TRABD2A: variants seen among roughly 807,000 people sequenced by gnomAD.
The protein encoded by TRABD2A is metalloprotease TIKI1.
TRABD2A carries 43 observed loss-of-function variants against 45.6 expected under a neutral mutation model. The ratio of observed to expected loss-of-function variants is 0.94; its 90% confidence interval spans 0.74 to 1.22. The LOEUF (loss-of-function observed/expected upper bound fraction) is 1.22, where lower values mean the gene tolerates loss of function less well. Among genes scored for constraint, TRABD2A ranks in the 50% most tolerant of loss-of-function variants. The pLI, the probability that TRABD2A is intolerant of heterozygous loss-of-function variation, is 0.00. For synonymous variants in TRABD2A, 269 were observed against 265.0 expected, an observed-to-expected ratio of 1.02 and a Z score of -0.15; for missense variants, 642 against 652.4, an observed-to-expected ratio of 0.98 and a Z score of 0.17.
intron 1 of TRABD2A, among the ~76,000 whole-genome samples, chr2:84,880,233 G>T (rs1326544462): frequency 1.3e-5 from 2 of 152,188 alleles, no homozygotes; most frequent in African/African-American, 2.4e-5. Context: ...AGACCTGTCC[G>T]CTATAGAGCT....
At chr2:84,836,271 A>G (rs1007615072) in intron 4 of TRABD2A, 33 of 152,276 alleles carry the variant, frequency 2.2e-4, no homozygotes, top group African/African-American at 8.0e-4. Context: ...TACAAATTCT[A>G]TTCAGCTCAC....
At chr2:84,822,913 A>G (rs957981738) in intron 6 of TRABD2A, among the ~76,000 whole-genome samples, 7 of 152,192 alleles carry the variant, frequency 4.6e-5, no homozygotes, top group African/African-American at 1.7e-4. Flanking sequence ...CCCAGGCTCC[A>G]GCCAGAATTA....
intron 4 of TRABD2A, chr2:84,836,247 C>T (rs765339107): frequency 1.3e-5 from 2 of 152,198 alleles, no homozygotes; most frequent in Non-Finnish European, 2.9e-5. Context: ...ATACTTCATC[C>T]AACAACAGCA....
At chr2:84,854,238 A>G (rs577256762) in intron 2 of TRABD2A, among the ~76,000 whole-genome samples, 1 of 152,252 alleles carries the variant, frequency 6.6e-6, no homozygotes, top group East Asian at 1.9e-4. Flanking sequence ...GCCATTTTAT[A>G]GCAGGAACTT....
At chr2:84,825,915 G>T (rs988128876) in intron 5 of TRABD2A, among the ~76,000 whole-genome samples, 5 of 152,102 alleles carry the variant, frequency 3.3e-5, no homozygotes, top group African/African-American at 7.2e-5. Flanking sequence ...AATACCTGAT[G>T]ATATGAGGTG....
chr2:84,829,395 CACA>C (rs1681248169), intron 5 of TRABD2A, among the ~76,000 whole-genome samples: 1 of 141,410 alleles, frequency 7.1e-6, no homozygotes, highest in African/African-American at 2.6e-5. Flanking sequence ...CACACACACA[CACA>C]CCACACACAC....
chr2:84,849,907 C>A (rs1682024413), intron 2 of TRABD2A, among the ~76,000 whole-genome samples: 1 of 152,196 alleles, frequency 6.6e-6, no homozygotes, highest in South Asian at 2.1e-4. Flanking sequence ...CAGCATGCTT[C>A]CGCCAGTCGT....
chr2:84,869,737 T>C (rs949251654), intron 2 of TRABD2A, among the ~76,000 whole-genome samples: 8 of 152,074 alleles, frequency 5.3e-5, no homozygotes, highest in Non-Finnish European at 8.8e-5. Flanking sequence ...CCCAGCACTT[T>C]GGGAGGCCGA....
chr2:84,843,722 G>C (rs1235368660), intron 2 of TRABD2A: 1 of 152,104 alleles, frequency 6.6e-6, no homozygotes, highest in Non-Finnish European at 1.5e-5. Flanking sequence ...TCCCATAAAG[G>C]CCTTATAAAG....
At chr2:84,866,240 A>AG (rs1029782990) in intron 2 of TRABD2A, among the ~76,000 whole-genome samples, 11 of 152,226 alleles carry the variant, frequency 7.2e-5, no homozygotes, top group African/African-American at 2.7e-4. Flanking sequence ...CCACATCTAA[A>AG]GGGGGCGGCC....
At chr2:84,842,268 T>C (rs535685322) in intron 2 of TRABD2A, among the ~76,000 whole-genome samples, 149 of 152,082 alleles carry the variant, frequency 9.8e-4, no homozygotes, top group Admixed American at 1.8e-3. Flanking sequence ...CTTCCATGAG[T>C]GTGACCAAGA....
chr2:84,862,279 A>T (rs1056525796), intron 2 of TRABD2A, among the ~76,000 whole-genome samples: 1 of 152,178 alleles, frequency 6.6e-6, no homozygotes, highest in African/African-American at 2.4e-5. Flanking sequence ...TGGAGGAGGG[A>T]TGAAGAATTC....
chr2:84,858,498 C>A (rs58818511), intron 2 of TRABD2A, among the ~76,000 whole-genome samples: 2 of 152,180 alleles, frequency 1.3e-5, no homozygotes, highest in South Asian at 2.1e-4. Context: ...AGTTTGTATA[C>A]CTTTTCCTCA....
At chr2:84,827,754 A>C (rs1681192301) in intron 5 of TRABD2A, among the ~76,000 whole-genome samples, 1 of 152,206 alleles carries the variant, frequency 6.6e-6, no homozygotes, top group Non-Finnish European at 1.5e-5. Context: ...AAAAGCAGAG[A>C]ACCCGTCTGT....
intron 4 of TRABD2A, among the ~76,000 whole-genome samples, chr2:84,838,718 ATG>A (rs1271702883): frequency 6.6e-6 from 1 of 152,190 alleles, no homozygotes; most frequent in African/African-American, 2.4e-5. Context: ...TTCTGTCTCC[ATG>A]TGTGCTGCTA....
chr2:84,836,319 G>C (rs551922571), intron 4 of TRABD2A: 2 of 152,330 alleles, frequency 1.3e-5, no homozygotes, highest in Admixed American at 1.3e-4. Context: ...ATTTTTGCTG[G>C]ATGTGGAAAT....
At chr2:84,829,448 TACCACACAC>T (rs1426439473) in intron 5 of TRABD2A, among the ~76,000 whole-genome samples, 1 of 117,454 alleles carries the variant, frequency 8.5e-6, no homozygotes, top group African/African-American at 3.3e-5. Context: ...AAAACACACG[TACCACACAC>T]ACCACACATA....
intron 2 of TRABD2A, among the ~76,000 whole-genome samples, chr2:84,848,598 T>C (rs1414824747): frequency 1.3e-5 from 2 of 150,562 alleles, no homozygotes; most frequent in East Asian, 3.9e-4. Flanking sequence ...GAGAAAGAGA[T>C]GGAGTCTTGC....
In TRABD2A at chr2:84,830,184, C is replaced by A. The variant is rs534840450; in HGVS notation, c.1082+1871G>T. 1.3e-5 allele frequency among the ~76,000 whole-genome samples: 2 copies of A among 152,112 alleles called. No individual in the cohort carries two copies. Among genetic ancestry groups the A allele is most frequent in the South Asian group, 4.1e-4 (2 of 4,824 alleles). Reference sequence around the variant, plus strand: ...ACAGTCCTGCAGGGCGCAGAGAACCCCTAAGGGCTGGCTCCTCCAGACCTG... The same window carrying A: ...ACAGTCCTGCAGGGCGCAGAGAACCACTAAGGGCTGGCTCCTCCAGACCTG... On this transcript the variant is annotated intron_variant, in intron 5 of 6. Coordinates refer to ENST00000409520, the MANE Select transcript of TRABD2A (RefSeq NM_001277053.2). This position sits in a 1 kb window ranked among gnomAD's most constrained non-coding sequence, Gnocchi z 4.9.
Sources: gnomAD v4.1 joint callset for allele counts (sites outside exome capture counted in the v4.1 genomes callset) on GRCh38, gnomAD v4.1.1 for gene constraint, Gnocchi (gnomAD v3.1) non-coding constraint, MANE v1.5 for transcripts, NCBI Gene and HGNC (gene_info 2026-07-23, HGNC 2026-07-21) for gene names.